Variants in SUZ12 observed in about 807,000 individuals in gnomAD.
SUZ12 encodes SUZ12 polycomb repressive complex 2 subunit.
SUZ12 carries 17 observed loss-of-function variants against 87.3 expected under a neutral mutation model. The observed-to-expected ratio is 0.19, with a 90% CI of 0.13 to 0.29. The LOEUF is 0.29. SUZ12 is among the 10% of genes least tolerant of loss of function. The pLI is 1.00. For synonymous variants in SUZ12, 253 were observed against 312.4 expected, an observed-to-expected ratio of 0.81 and a Z score of 2.01; for missense variants, 526 against 912.2, an observed-to-expected ratio of 0.58 and a Z score of 5.45.
chr17:31,966,286 T>C, intron 5 of SUZ12, 90 bp downstream of exon 5: 2 of 1,065,540 alleles, frequency 1.9e-6, no homozygotes, highest in South Asian at 2.9e-5. Flanking sequence ...TGTAAATTTA[T>C]AAAATTAAGT....
intron 4 of SUZ12, among the ~76,000 whole-genome samples, chr17:31,949,165 A>G (rs923286608): frequency 6.6e-6 from 1 of 152,136 alleles, no homozygotes; most frequent in Admixed American, 6.6e-5. Flanking sequence ...TTACTATCTC[A>G]TTGTGACATT....
chr17:31,978,263 C>G (rs1356607809), intron 8 of SUZ12, among the ~76,000 whole-genome samples: 1 of 152,112 alleles, frequency 6.6e-6, no homozygotes, highest in African/African-American at 2.4e-5. Context: ...GGCTGGAGTT[C>G]AGTGGCATGA....
At position 31,994,848 on chromosome 17, in the gene SUZ12, A is replaced by G. The variant is rs116209567; in HGVS notation, c.1595+127A>G. The G allele has an allele frequency of 1.8e-4, 177 of 1,004,040 alleles. No homozygotes were observed. In the African/African-American group the frequency reaches 2.2e-3, roughly 13 times the overall value. 62.2% of individuals were successfully genotyped at this position (1,004,040 alleles called of 1,614,324 possible). ...TATTATTTTTCAGTATTAGGTGTCT[A>G]TGGGGTTGTTAACTACTTTATAACA... On this transcript the variant is annotated intron_variant, in intron 13 of 15. Transcript: ENST00000322652.
At chr17:31,992,344 T>A (rs1239686295) in intron 10 of SUZ12, among the ~76,000 whole-genome samples, 1 of 152,198 alleles carries the variant, frequency 6.6e-6, no homozygotes, top group Non-Finnish European at 1.5e-5. Flanking sequence ...AGCATGGTAA[T>A]GACATATAAT....
At chr17:31,990,453 TC>T (rs1157477772) in intron 10 of SUZ12, among the ~76,000 whole-genome samples, 2 of 151,528 alleles carry the variant, frequency 1.3e-5, no homozygotes, top group East Asian at 1.9e-4. Context: ...AACCTCCGCC[TC>T]CCGGTTTGAA....
At chr17:31,962,155 A>T (rs1907762141) in intron 4 of SUZ12, among the ~76,000 whole-genome samples, 1 of 152,202 alleles carries the variant, frequency 6.6e-6, no homozygotes, top group South Asian at 2.1e-4. Flanking sequence ...TGCAAGCCTG[A>T]CCAGGCACAG....
intron 4 of SUZ12, among the ~76,000 whole-genome samples, chr17:31,962,789 T>G (rs75835331): frequency 0.16 from 24,057 of 146,520 alleles, no homozygotes; most frequent in African/African-American, 0.31. Context: ...GACAAAAGAT[T>G]TGGTAGGTGG....
At chr17:31,940,213 A>T (rs1906190722) in intron 1 of SUZ12, 73 bp from the exon 2 acceptor site, 1 of 1,561,210 alleles carries the variant, frequency 6.4e-7, no homozygotes, top group African/African-American at 1.4e-5. Flanking sequence ...TATTGATTAT[A>T]ACATGGTCTC....
At chr17:31,993,132 C>T (rs1041754318) in intron 10 of SUZ12, 110 bp from the exon 11 acceptor site, 8 of 657,618 alleles carry the variant, frequency 1.2e-5, no homozygotes, top group Admixed American at 1.1e-4. Flanking sequence ...TATTTAAATA[C>T]CACAAGTAGA....
chr17:31,979,650 T>A (rs1343156043), intron 8 of SUZ12, among the ~76,000 whole-genome samples: 5 of 152,238 alleles, frequency 3.3e-5, no homozygotes, highest in Non-Finnish European at 5.9e-5. Flanking sequence ...AGTGATGTGT[T>A]CTTTACGTAC....
In SUZ12 at chr17:31,998,672, A is replaced by G. The variant is rs1910108668; in HGVS notation, c.1889A>G (p.Asn630Ser). The G allele has an allele frequency of 2.6e-6, 4 of 1,552,424 alleles. No homozygotes were observed. The highest frequency in any genetic ancestry group is 3.5e-6 in the Non-Finnish European group (4 of 1,151,884). Residue 630 changes from asparagine (N) to serine (S), a missense_variant, in exon 16 of 16, where the codon AAT (asparagine) becomes AGT (serine). Around this residue, in one of 9 missense-constraint regions of SUZ12, gnomAD observed 143 missense variants for 321.6 expected, o/e 0.44. Transcript: ENST00000322652. ...TTATTAAATAGGTTTATTGCTGACA[A>G]TCAAATGAATCATGCCTGTATGCTG... ...HVMKHGFIADNQMNHACMLFV... is the reference protein window; with the variant it reads ...HVMKHGFIADSQMNHACMLFV...
intron 10 of SUZ12, among the ~76,000 whole-genome samples, chr17:31,992,435 A>G (rs1909767136): frequency 6.7e-6 from 1 of 150,168 alleles, no homozygotes; most frequent in Non-Finnish European, 1.5e-5. Flanking sequence ...TTTTTGACAG[A>G]GTCTTCCTCA....
At chr17:31,985,793 G>A (rs1909376131) in intron 9 of SUZ12, among the ~76,000 whole-genome samples, 1 of 151,892 alleles carries the variant, frequency 6.6e-6, no homozygotes, top group South Asian at 2.1e-4. Flanking sequence ...CTCCTGAGTA[G>A]CTGCGATCAC....
rs371417990 is a variant in SUZ12 at position 31,972,100 on chromosome 17, A to G, written c.506-1046A>G. On this transcript the variant is annotated intron_variant, in intron 5 of 15. Transcript: ENST00000322652. Reference sequence around the variant, plus strand: ...GGAGTTCAAGACCAGCCTAGCCAACATGGTGAAACCCCATCTCTACTTAAA... The same window carrying G: ...GGAGTTCAAGACCAGCCTAGCCAACGTGGTGAAACCCCATCTCTACTTAAA... 2.2e-3 allele frequency among the ~76,000 whole-genome samples: 333 copies of G among 152,008 alleles called. 1 individual carries two copies. The highest frequency in any genetic ancestry group is 7.3e-3 in the African/African-American group (303 of 41,486).
intron 1 of SUZ12, among the ~76,000 whole-genome samples, chr17:31,938,759 A>T (rs574731131): frequency 2.0e-5 from 3 of 152,200 alleles, no homozygotes; most frequent in Non-Finnish European, 4.4e-5. Context: ...AATAAAACCA[A>T]TTGAAGATTT....
chr17:31,964,310 C>T (rs529788823), intron 4 of SUZ12, among the ~76,000 whole-genome samples: 5 of 151,378 alleles, frequency 3.3e-5, no homozygotes, highest in African/African-American at 1.2e-4. Context: ...CAGTTGTGAG[C>T]CACCGCACCC....
At chr17:31,976,474 A>T in intron 7 of SUZ12, 47 bp from the exon 8 acceptor site, 1 of 1,492,362 alleles carries the variant, frequency 6.7e-7, no homozygotes, top group South Asian at 1.2e-5. Flanking sequence ...ATCATAACAC[A>T]TTTTTGTTCT....
At chr17:31,952,826 G>A (rs560090896) in intron 4 of SUZ12, among the ~76,000 whole-genome samples, 75 of 152,260 alleles carry the variant, frequency 4.9e-4, no homozygotes, top group Admixed American at 1.0e-3. Flanking sequence ...GCCTTCCAAA[G>A]TGCTGGGATT....
Position 31,954,002 on chromosome 17 carries a change from G to A in SUZ12, c.455+6317G>A, listed in dbSNP as rs144132195. Among the ~76,000 whole-genome samples, 816 of 151,982 alleles carry A rather than the reference G, an allele frequency of 5.4e-3. 2 individuals are homozygous for A. The highest frequency in any genetic ancestry group is 8.3e-3 in the Non-Finnish European group (563 of 67,968). On this transcript the variant is annotated intron_variant, in intron 4 of 15. Transcript: ENST00000322652. ...GCTGGGATTACAGGTGTGAGCCACC[G>A]AGCCCGGCTCATTTTTATTTTTAGT...
Sources: allele counts gnomAD v4.1 joint callset (sites outside exome capture counted in the v4.1 genomes callset), GRCh38; gene constraint gnomAD v4.1.1; regional missense constraint gnomAD v4.1.1; transcripts MANE v1.5; gene names NCBI Gene and HGNC (gene_info 2026-07-23, HGNC 2026-07-21).